RAD54L2: variants seen among roughly 807,000 people sequenced by gnomAD.
The protein encoded by RAD54L2 is RAD54 like 2.
Under a neutral mutation model 138.4 loss-of-function variants are expected in RAD54L2, and 27 were observed. The observed-to-expected ratio is 0.20, with a 90% CI of 0.14 to 0.27. The LOEUF is 0.27. Ranked by LOEUF, RAD54L2 falls within the 10% of genes least tolerant of loss-of-function variation. The probability of loss-of-function intolerance (pLI) is 1.00; values close to 1 mark genes in which losing one functional copy is unlikely to be tolerated. For missense variants in RAD54L2, 1,396 were observed against 1,890.2 expected (o/e 0.74, Z 4.85); for synonymous variants, 644 against 723.2 (o/e 0.89, Z 1.76).
intron 19 of RAD54L2, among the ~76,000 whole-genome samples, chr3:51,653,242 C>T (rs1701489994): frequency 2.0e-5 from 3 of 152,310 alleles, no homozygotes; most frequent in South Asian, 4.1e-4. Flanking sequence ...TACCATCTCA[C>T]ACCAGTTAGA....
At chr3:51,661,381 G>A (rs950882207) in intron 22 of RAD54L2, among the ~76,000 whole-genome samples, 1 of 152,152 alleles carries the variant, frequency 6.6e-6, no homozygotes, top group East Asian at 1.9e-4. Context: ...CTTCTTGAAG[G>A]TTCGCACAGG....
chr3:51,632,167 G>C (rs995717747), intron 7 of RAD54L2, among the ~76,000 whole-genome samples: 1 of 152,268 alleles, frequency 6.6e-6, no homozygotes, highest in South Asian at 2.1e-4. Context: ...TTCATTTTTC[G>C]TGGCTGAATA....
chr3:51,647,051 A>T (rs1011610452), intron 19 of RAD54L2, among the ~76,000 whole-genome samples: 3 of 148,200 alleles, frequency 2.0e-5, no homozygotes, highest in African/African-American at 4.9e-5. Context: ...TCTAGGTTTA[A>T]TTTTTTTTTT....
intron 3 of RAD54L2, among the ~76,000 whole-genome samples, chr3:51,621,693 C>T (rs895490557): frequency 3.3e-5 from 5 of 152,308 alleles, no homozygotes; most frequent in Admixed American, 1.3e-4. Context: ...CCAACTGTTC[C>T]TCCAAGTGAT....
At chr3:51,617,232 A>G (rs1700465191) in intron 3 of RAD54L2, among the ~76,000 whole-genome samples, 1 of 152,134 alleles carries the variant, frequency 6.6e-6, no homozygotes, top group Non-Finnish European at 1.5e-5. Flanking sequence ...TTTCTCTTAG[A>G]TAAAATACCA....
Position 51,662,791 on chromosome 3 carries a change from G to T in RAD54L2, c.3775G>T (p.Ala1259Ser). Reference sequence around the variant, plus strand: ...CTTAAGGGGCCACAAGCGAAAGTTGGCCACACCACCTGCTGCCCAGGAGTC... The same window carrying T: ...CTTAAGGGGCCACAAGCGAAAGTTGTCCACACCACCTGCTGCCCAGGAGTC... Reference protein sequence around the residue: ...LDLRGHKRKLATPPAAQESSR... With the variant: ...LDLRGHKRKLSTPPAAQESSR... The change falls in exon 23 of 23, where the codon GCC becomes TCC. Residue 1259 changes from alanine (A) to serine (S), a missense_variant. Around this residue, in one of 7 missense-constraint regions of RAD54L2, gnomAD observed 634 missense variants for 711.2 expected, o/e 0.89. Coordinates refer to ENST00000684192, the MANE Select transcript of RAD54L2 (RefSeq NM_015106.4). This position sits in a 1 kb window ranked among gnomAD's most constrained non-coding sequence, Gnocchi z 4.6. 6.2e-7 allele frequency: 1 copy of T among 1,610,874 alleles called. No homozygotes were observed. Among genetic ancestry groups the T allele is most frequent in the Non-Finnish European group, 8.5e-7 (1 of 1,178,628 alleles).
chr3:51,542,515 G>A (rs1466123277), intron 2 of RAD54L2, among the ~76,000 whole-genome samples: 1 of 150,994 alleles, frequency 6.6e-6, no homozygotes. Flanking sequence ...GTGCGATCTC[G>A]GCTCACTGCA....
chr3:51,558,808 C>T (rs1699031809), intron 2 of RAD54L2, among the ~76,000 whole-genome samples: 1 of 151,900 alleles, frequency 6.6e-6, no homozygotes, highest in African/African-American at 2.4e-5. Flanking sequence ...GCAAAGAATG[C>T]CTTGTGAAGT....
rs1160250955 is a variant in RAD54L2, at chr3:51,578,981, GGAGCT to G, written c.-54-11383_-54-11379del. ...ATGAAAGTGGCTCTCAGCCAGAAGG[GGAGCT>G]GAAAAGGGGACAGAGCGGGACCGTA... On this transcript the variant is annotated intron_variant, in intron 2 of 22. Transcript: ENST00000684192. Among the ~76,000 whole-genome samples the G allele has an allele frequency of 3.3e-5, 5 of 152,204 alleles. No individual in the cohort carries two copies. The East Asian group carries it at 7.7e-4, about 24-fold the overall frequency.
intron 3 of RAD54L2, among the ~76,000 whole-genome samples, chr3:51,594,210 A>G (rs760085615): frequency 6.6e-6 from 1 of 151,794 alleles, no homozygotes; most frequent in Non-Finnish European, 1.5e-5. Flanking sequence ...AGTAGCTGGA[A>G]TTACAGGCAT....
intron 3 of RAD54L2, among the ~76,000 whole-genome samples, chr3:51,606,987 TTTTA>T (rs984180367): frequency 6.7e-6 from 1 of 150,122 alleles, no homozygotes. Flanking sequence ...TGGCCTATTG[TTTTA>T]TTTATTATTA....
intron 5 of RAD54L2, 37 bp downstream of exon 5, chr3:51,629,510 C>T (rs1700783880): frequency 6.2e-7 from 1 of 1,605,184 alleles, no homozygotes; most frequent in South Asian, 1.1e-5. Flanking sequence ...CCCTTTGCTT[C>T]AGGAGGAAGA....
chr3:51,607,697 C>T (rs571137107), intron 3 of RAD54L2, among the ~76,000 whole-genome samples: 2 of 150,850 alleles, frequency 1.3e-5, no homozygotes, highest in South Asian at 4.2e-4. Flanking sequence ...CAGAGGGGCC[C>T]CCCACCTCCC....
intron 21 of RAD54L2, among the ~76,000 whole-genome samples, chr3:51,658,840 T>G (rs1354145018): frequency 2.0e-5 from 3 of 152,110 alleles, no homozygotes; most frequent in Non-Finnish European, 4.4e-5. Flanking sequence ...CTATGCCCCA[T>G]GGGTCAAATC....
rs1165870101 is a variant in RAD54L2, at chr3:51,543,691, C to T, written c.-55+2041C>T. Among the ~76,000 whole-genome samples the T allele has an allele frequency of 3.3e-5, 5 of 151,954 alleles. No homozygotes were observed. In the East Asian group the frequency reaches 7.7e-4, roughly 23 times the overall value. ...CTGGCCTGTCTCTGCTTCAGCATCT[C>T]ATAAGGACCTTTATGACCTGGCCCC... is the stretch of plus-strand genomic sequence containing the variant. On this transcript the variant is annotated intron_variant, in intron 2 of 22. Transcript: ENST00000684192.
intron 6 of RAD54L2, 98 bp downstream of exon 6, chr3:51,630,486 G>A: frequency 8.3e-7 from 1 of 1,209,106 alleles, no homozygotes; most frequent in Non-Finnish European, 1.2e-6. Flanking sequence ...CCTTCAATTT[G>A]GGATGTGGCT....
In RAD54L2 at chr3:51,662,343, A is replaced by AT. The variant is rs984079513; in HGVS notation, c.3410-75dup. 100 of 1,327,330 alleles carry AT rather than the reference A, an allele frequency of 7.5e-5. No individual in the cohort carries two copies. Among genetic ancestry groups the AT allele is most frequent in the Middle Eastern group, 1.9e-4 (1 of 5,160 alleles). 82.2% of individuals were successfully genotyped at this position (1,327,330 alleles called of 1,614,324 possible). ...AGAATTTTGGGGACTACAGGACAGG[A>AT]TTTTTTTTAATGGAGTTTTCTCCTC... On this transcript the variant is annotated intron_variant, in intron 22 of 22. Coordinates refer to ENST00000684192, the MANE Select transcript of RAD54L2 (RefSeq NM_015106.4). The surrounding 1 kb of genome is among the most constrained non-coding windows in gnomAD (Gnocchi z 4.6).
At chr3:51,609,572 TTTC>T (rs1204699981) in intron 3 of RAD54L2, among the ~76,000 whole-genome samples, 1 of 152,206 alleles carries the variant, frequency 6.6e-6, no homozygotes, top group Non-Finnish European at 1.5e-5. Flanking sequence ...TTTGTAAAGG[TTTC>T]TTATTTCTTT....
At chr3:51,577,037 A>G (rs568250479) in intron 2 of RAD54L2, among the ~76,000 whole-genome samples, 1 of 152,256 alleles carries the variant, frequency 6.6e-6, no homozygotes, top group Non-Finnish European at 1.5e-5. Flanking sequence ...AGATTCTGGT[A>G]TGTTGTGTCT....
Sources: gnomAD v4.1 joint callset for allele counts (sites outside exome capture counted in the v4.1 genomes callset) on GRCh38, gnomAD v4.1.1 for gene constraint, gnomAD v4.1.1 regional missense constraint, Gnocchi (gnomAD v3.1) non-coding constraint, MANE v1.5 for transcripts, NCBI Gene and HGNC (gene_info 2026-07-23, HGNC 2026-07-21) for gene names.